Variants in ACAD10 observed in about 807,000 individuals in gnomAD.
ACAD10 encodes ACAD-10.
Under a neutral mutation model 116.8 loss-of-function variants are expected in ACAD10, and 112 were observed. The ratio of observed to expected loss-of-function variants is 0.96; its 90% CI spans 0.82 to 1.12. ACAD10 has a LOEUF of 1.12. Among genes scored for constraint, ACAD10 ranks in the 50% most tolerant of loss-of-function variants. The pLI, the probability that ACAD10 is intolerant of heterozygous loss-of-function variation, is 0.00. For synonymous variants in ACAD10, 486 were observed against 510.6 expected, an observed-to-expected ratio of 0.95 and a Z score of 0.65; for missense variants, 1,259 against 1,350.2, an observed-to-expected ratio of 0.93 and a Z score of 1.06.
intron 3 of ACAD10, 99 bp from the exon 4 acceptor site, chr12:111,705,639 C>A (rs2135952719): frequency 1.8e-6 from 2 of 1,110,640 alleles, no homozygotes; most frequent in Non-Finnish European, 2.6e-6. Flanking sequence ...TAGCAGAGAG[C>A]AGAAGGACGC....
chr12:111,705,999 A>T, intron 4 of ACAD10, 67 bp downstream of exon 4: 1 of 1,534,674 alleles, frequency 6.5e-7, no homozygotes, highest in Non-Finnish European at 8.9e-7. Context: ...TGCAATGTTA[A>T]ATGCTATCTT....
Position 111,744,941 on chromosome 12 carries a change from G to A in ACAD10, c.2013G>A (p.Lys671=). 1.2e-6 allele frequency: 2 copies of A among 1,614,134 alleles called. No individual in the cohort carries two copies. Among genetic ancestry groups the A allele is most frequent in the Non-Finnish European group, 1.7e-6 (2 of 1,180,030 alleles). The change falls in exon 13 of 21, where the codon AAG becomes AAA. Residue 671 remains lysine (K), a synonymous_variant. Transcript: ENST00000313698. ...PPVRELYHRL[K]HFMEQRVYPA... The stretch of plus-strand genomic sequence containing the variant: ...TCAGAGAGCTGTATCACCGGCTGAA[G>A]CACTTCATGGAGCAACGTGTGTACC...
chr12:111,754,009 CTTTA>C, intron 19 of ACAD10, 94 bp downstream of exon 19: 1 of 1,449,282 alleles, frequency 6.9e-7, no homozygotes, highest in Non-Finnish European at 9.1e-7. Flanking sequence ...ACATTAGAAA[CTTTA>C]TTTCACCTCT....
intron 4 of ACAD10, 141 bp from the exon 5 acceptor site, chr12:111,709,385 A>T: frequency 1.4e-6 from 1 of 713,680 alleles, no homozygotes; most frequent in East Asian, 3.2e-5. Context: ...ACATCATTTT[A>T]TATCATAACA....
intron 12 of ACAD10, among the ~76,000 whole-genome samples, chr12:111,739,936 A>AT (rs1398607963): frequency 6.6e-6 from 1 of 152,288 alleles, no homozygotes; most frequent in East Asian, 1.9e-4. Flanking sequence ...ACAGTTAACG[A>AT]TTTTTTAAGG....
chr12:111,706,651 A>G (rs900703200), intron 4 of ACAD10, among the ~76,000 whole-genome samples: 8 of 151,290 alleles, frequency 5.3e-5, no homozygotes, highest in Non-Finnish European at 1.2e-4. Context: ...GGGTTTCACC[A>G]TGTTGGCCAG....
intron 10 of ACAD10, among the ~76,000 whole-genome samples, chr12:111,731,538 A>G (rs751958747): frequency 1.3e-5 from 2 of 152,172 alleles, no homozygotes; most frequent in Non-Finnish European, 2.9e-5. Flanking sequence ...CACGAATGTG[A>G]TCAAGTATAC....
chr12:111,706,731 A>G (rs1888516825), intron 4 of ACAD10, among the ~76,000 whole-genome samples: 2 of 149,226 alleles, frequency 1.3e-5, no homozygotes, highest in Non-Finnish European at 3.0e-5. Flanking sequence ...GATTACAAGT[A>G]TGAGCCACCG....
chr12:111,733,963 C>G lies in ACAD10; in HGVS notation c.1435C>G (p.Leu479Val), dbSNP rs1186862049. 2.5e-6 allele frequency: 4 copies of G among 1,614,122 alleles called. No individual in the cohort carries two copies. The highest frequency in any genetic ancestry group is 2.7e-5 in the African/African-American group (2 of 74,954). Reference protein sequence around the residue: ...LVFHPEEPEVLAVLDWELSTL... With the variant: ...LVFHPEEPEVVAVLDWELSTL... The stretch of plus-strand genomic sequence containing the variant: ...GTTTCATCCAGAAGAGCCAGAGGTG[C>G]TTGCTGTCCTTGACTGGGAACTTTC... The change falls in exon 11 of 21, where the codon CTT (leucine) becomes GTT (valine). Residue 479 changes from leucine to valine, a missense_variant. Physicochemically the swap from Leu to Val is conservative, Grantham distance 32 (BLOSUM62 1). Transcript: ENST00000313698.
At chr12:111,728,636 T>C (rs1889295507) in intron 9 of ACAD10, among the ~76,000 whole-genome samples, 1 of 152,158 alleles carries the variant, frequency 6.6e-6, no homozygotes, top group Non-Finnish European at 1.5e-5. Flanking sequence ...GCCTCCCAAG[T>C]AGTTGGGACT....
At chr12:111,708,387 T>A (rs1888572441) in intron 4 of ACAD10, among the ~76,000 whole-genome samples, 2 of 152,132 alleles carry the variant, frequency 1.3e-5, no homozygotes. Context: ...CACTTCCATC[T>A]GGTACGTTAC....
Position 111,702,586 on chromosome 12 carries a change from C to T in ACAD10, c.336+276C>T, listed in dbSNP as rs1233844715. Among the ~76,000 whole-genome samples the T allele has an allele frequency of 2.0e-5, 3 of 152,022 alleles. 1 individual carries two copies. Among genetic ancestry groups the T allele is most frequent in the Non-Finnish European group, 4.4e-5 (3 of 68,010 alleles). On this transcript the variant is annotated intron_variant, in intron 3 of 20. Coordinates refer to ENST00000313698, the MANE Select transcript of ACAD10 (RefSeq NM_025247.6). The stretch of plus-strand genomic sequence containing the variant: ...TTCTACTAAAAATACAAAAAATTAG[C>T]TGGCTGTGGTGGCGCACATCTGTAA...
chr12:111,732,874 G>A (rs979229416), intron 10 of ACAD10, among the ~76,000 whole-genome samples: 2 of 152,232 alleles, frequency 1.3e-5, no homozygotes, highest in African/African-American at 2.4e-5. Context: ...TGTCAACAAC[G>A]ACAGCAGTCA....
intron 18 of ACAD10, among the ~76,000 whole-genome samples, chr12:111,750,970 C>A (rs1362720470): frequency 6.6e-6 from 1 of 152,190 alleles, no homozygotes; most frequent in African/African-American, 2.4e-5. Flanking sequence ...ACGCTCCTGT[C>A]TATGGACTCA....
intron 8 of ACAD10, among the ~76,000 whole-genome samples, chr12:111,727,095 A>G (rs548737770): frequency 4.6e-5 from 7 of 151,772 alleles, no homozygotes; most frequent in Admixed American, 3.9e-4. Context: ...GCGTGGTGGC[A>G]TGCACCTGGA....
At chr12:111,724,397 C>T (rs1033846687) in intron 8 of ACAD10, among the ~76,000 whole-genome samples, 25 of 151,986 alleles carry the variant, frequency 1.6e-4, no homozygotes, top group South Asian at 4.1e-4. Context: ...ACTTCCCAGA[C>T]GGGGTGGCGG....
At position 111,756,074 on chromosome 12, in the gene ACAD10, C is replaced by G. The variant is rs889969723; in HGVS notation, c.3040-259C>G. ...GGCTCTTTCCCATGCAGGGGGGCCG[C>G]CTCCTTAGATCCTAACCCCCGGCCC... On this transcript the variant is annotated intron_variant, in intron 20 of 20. Transcript: ENST00000313698. 3.9e-6 allele frequency: 5 copies of G among 1,287,334 alleles called. No individual in the cohort carries two copies. The African/African-American group carries it at 7.5e-5, about 19-fold the overall frequency. 79.7% of individuals were successfully genotyped at this position (1,287,334 alleles called of 1,614,324 possible). A position where few individuals can be genotyped will look rare whatever the true frequency, so the allele number is the denominator to read the frequency against.
chr12:111,749,633 T>C (rs1259788516), intron 18 of ACAD10: 3 of 394,674 alleles, frequency 7.6e-6, no homozygotes, highest in Non-Finnish European at 1.4e-5. Context: ...GCTAGCACAT[T>C]ATTAAAAATC....
intron 2 of ACAD10, chr12:111,693,181 T>C: frequency 2.5e-6 from 1 of 398,834 alleles, no homozygotes; most frequent in Non-Finnish European, 4.6e-6. Flanking sequence ...CTTAGCACAG[T>C]GATTGCTCAG....
Sources: gnomAD v4.1 joint callset for allele counts (sites outside exome capture counted in the v4.1 genomes callset) on GRCh38, gnomAD v4.1.1 for gene constraint, MANE v1.5 for transcripts, NCBI Gene and HGNC (gene_info 2026-07-23, HGNC 2026-07-21) for gene names.